The following GPC5 variants were observed in gnomAD, a reference collection of about 807,000 sequenced individuals.
The protein encoded by GPC5 is glypican-5.
A neutral mutation model predicts 53.9 loss-of-function variants in GPC5; 47 were observed. That is an observed-to-expected ratio of 0.87 (90% CI 0.69 to 1.11). The LOEUF is 1.11. Ranked by LOEUF, GPC5 falls within the 50% of genes most tolerant of loss-of-function variation. GPC5 has a pLI of 0.00. For synonymous variants in GPC5, 286 were observed against 263.3 expected, an observed-to-expected ratio of 1.09 and a Z score of -0.84; for missense variants, 748 against 713.1, an observed-to-expected ratio of 1.05 and a Z score of -0.56.
At chr13:92,126,924 G>A (rs1470866187) in intron 6 of GPC5, among the ~76,000 whole-genome samples, 1 of 151,986 alleles carries the variant, frequency 6.6e-6, no homozygotes, top group Non-Finnish European at 1.5e-5. Flanking sequence ...TGCTTAGATG[G>A]CTCTGAATTG....
intron 2 of GPC5, among the ~76,000 whole-genome samples, chr13:91,603,244 G>A (rs1417543703): frequency 6.6e-6 from 1 of 152,218 alleles, no homozygotes; most frequent in African/African-American, 2.4e-5. Context: ...GGCTGAATGT[G>A]AAATTTTAAA....
At chr13:91,969,245 G>A (rs909578790) in intron 6 of GPC5, among the ~76,000 whole-genome samples, 2 of 152,176 alleles carry the variant, frequency 1.3e-5, no homozygotes, top group Non-Finnish European at 2.9e-5. Flanking sequence ...GGGATTACAG[G>A]TGTGAGCCAC....
chr13:91,959,100 A>ACC (rs2040102514), intron 6 of GPC5, among the ~76,000 whole-genome samples: 1 of 147,632 alleles, frequency 6.8e-6, no homozygotes, highest in Admixed American at 6.7e-5. Context: ...ACACACACAC[A>ACC]CATCAATGAT....
chr13:92,298,751 C>A (rs1027636886), intron 7 of GPC5, among the ~76,000 whole-genome samples: 1 of 152,104 alleles, frequency 6.6e-6, no homozygotes, highest in African/African-American at 2.4e-5. Flanking sequence ...CTGATTTATT[C>A]CTGTAGTCAT....
intron 3 of GPC5, among the ~76,000 whole-genome samples, chr13:91,724,456 A>G (rs895621485): frequency 6.6e-6 from 1 of 151,340 alleles, no homozygotes; most frequent in Non-Finnish European, 1.5e-5. Context: ...TTTTTTTTCA[A>G]TTTGTAATTT....
At chr13:92,105,575 T>C (rs1269152984) in intron 6 of GPC5, among the ~76,000 whole-genome samples, 1 of 152,080 alleles carries the variant, frequency 6.6e-6, no homozygotes, top group Non-Finnish European at 1.5e-5. Context: ...TCATATTCTT[T>C]GTATTTTAGA....
At chr13:92,582,950 T>C (rs1883416554) in intron 7 of GPC5, among the ~76,000 whole-genome samples, 1 of 152,194 alleles carries the variant, frequency 6.6e-6, no homozygotes, top group South Asian at 2.1e-4. Flanking sequence ...ATGATTTAAC[T>C]ATTTTCCTTC....
chr13:91,478,822 T>TATATATATATATATACAC lies in GPC5; in HGVS notation c.325+29901_325+29902insTATATATATATATACACA, dbSNP rs1323023652. Among the ~76,000 whole-genome samples the TATATATATATATATACAC allele has an allele frequency of 7.5e-4, 69 of 92,138 alleles. 4 individuals carry two copies. Among genetic ancestry groups the TATATATATATATATACAC allele is most frequent in the African/African-American group, 3.5e-3 (67 of 19,332 alleles). The allele number at this position is 92,138 out of a possible 152,430, so 60.4% of individuals were successfully genotyped here. Reference sequence around the variant, plus strand: ...ATATATATATATATATATATATATATACACACACACACATATATATACACA... The same window carrying TATATATATATATATACAC: ...ATATATATATATATATATATATATATATATATATATATATACACACACACACACACATATATATACACA... On this transcript the variant is annotated intron_variant, in intron 2 of 7. Transcript: ENST00000377067.
chr13:92,322,460 C>A (rs558335119), intron 7 of GPC5, among the ~76,000 whole-genome samples: 106 of 151,932 alleles, frequency 7.0e-4, no homozygotes, highest in Admixed American at 4.2e-3. Flanking sequence ...TCTGTAGAAA[C>A]CTGAAGAAAT....
At chr13:91,854,089 A>AGGTAC (rs1207997404) in intron 5 of GPC5, among the ~76,000 whole-genome samples, 1 of 150,818 alleles carries the variant, frequency 6.6e-6, no homozygotes, top group African/African-American at 2.4e-5. Context: ...AGTCAAGAAT[A>AGGTAC]GGTACCAGTG....
intron 6 of GPC5, among the ~76,000 whole-genome samples, chr13:92,079,074 G>A (rs1307717489): frequency 1.3e-5 from 2 of 151,708 alleles, no homozygotes; most frequent in Non-Finnish European, 2.9e-5. Flanking sequence ...TTTTCGAGAT[G>A]GAATTTCACT....
intron 5 of GPC5, among the ~76,000 whole-genome samples, chr13:91,845,757 G>A (rs886364286): frequency 1.7e-4 from 26 of 152,014 alleles, no homozygotes; most frequent in Non-Finnish European, 2.1e-4. Context: ...CCTGTATTTC[G>A]TAACTTAACC....
chr13:92,312,734 G>C (rs555663859), intron 7 of GPC5, among the ~76,000 whole-genome samples: 1 of 152,126 alleles, frequency 6.6e-6, no homozygotes. Context: ...TTGTCTGTGA[G>C]TGTAATTTTA....
At chr13:91,969,594 G>T (rs1399730846) in intron 6 of GPC5, among the ~76,000 whole-genome samples, 1 of 152,068 alleles carries the variant, frequency 6.6e-6, no homozygotes, top group East Asian at 1.9e-4. Flanking sequence ...ACCTATGGAA[G>T]GGGAGAAAAC....
chr13:92,664,048 G>A (rs1287845226), intron 7 of GPC5, among the ~76,000 whole-genome samples: 2 of 151,274 alleles, frequency 1.3e-5, no homozygotes, highest in African/African-American at 4.9e-5. Context: ...CTCCAGCCTG[G>A]GCGACAGAGT....
chr13:91,647,234 A>G (rs953310660), intron 2 of GPC5, among the ~76,000 whole-genome samples: 4 of 152,146 alleles, frequency 2.6e-5, no homozygotes, highest in African/African-American at 9.7e-5. Flanking sequence ...TAAATCAGCC[A>G]TGAAAGATGC....
chr13:91,861,487 C>A (rs2039027629), intron 5 of GPC5, among the ~76,000 whole-genome samples: 1 of 152,034 alleles, frequency 6.6e-6, no homozygotes, highest in Non-Finnish European at 1.5e-5. Context: ...GATAATGCAT[C>A]CCCTTTTCCA....
intron 7 of GPC5, among the ~76,000 whole-genome samples, chr13:92,782,075 G>A (rs1330056926): frequency 6.6e-6 from 1 of 150,570 alleles, no homozygotes; most frequent in Admixed American, 6.6e-5. Context: ...GAAGGGAACG[G>A]GAAGGGGAGG....
intron 7 of GPC5, among the ~76,000 whole-genome samples, chr13:92,183,637 T>C (rs944842491): frequency 1.3e-4 from 20 of 152,126 alleles, no homozygotes; most frequent in Admixed American, 1.0e-3. Context: ...TTATTTTGGT[T>C]GCAATAAATG....
Sources: allele counts gnomAD v4.1 joint callset (sites outside exome capture counted in the v4.1 genomes callset), GRCh38; gene constraint gnomAD v4.1.1; transcripts MANE v1.5; gene names NCBI Gene and HGNC (gene_info 2026-07-23, HGNC 2026-07-21).